Variants in PDE9A observed in about 807,000 individuals in gnomAD.
The protein encoded by PDE9A is phosphodiesterase 9A, also known as high affinity cGMP-specific 3',5'-cyclic phosphodiesterase 9A.
Under a neutral mutation model 87.4 loss-of-function variants are expected in PDE9A, and 60 were observed. The ratio of observed to expected loss-of-function variants is 0.69; its 90% confidence interval spans 0.56 to 0.85. The LOEUF (loss-of-function observed/expected upper bound fraction) is 0.85, where lower values mean the gene tolerates loss of function less well. PDE9A is among the 40% of genes least tolerant of loss of function. PDE9A has a pLI of 0.00. For synonymous variants in PDE9A, 272 were observed against 279.4 expected (o/e 0.97, Z 0.27); for missense variants, 665 against 779.0 (o/e 0.85, Z 1.74).
intron 1 of PDE9A, among the ~76,000 whole-genome samples, chr21:42,669,272 C>T (rs2145927600): frequency 6.6e-6 from 1 of 152,252 alleles, no homozygotes; most frequent in Middle Eastern, 3.4e-3. Flanking sequence ...CCCTTCCTTG[C>T]CTCTTCCAGC....
intron 4 of PDE9A, among the ~76,000 whole-genome samples, chr21:42,720,502 A>G (rs1311925282): frequency 6.6e-6 from 1 of 152,054 alleles, no homozygotes; most frequent in Non-Finnish European, 1.5e-5. Flanking sequence ...CTCAATAAAT[A>G]AATAAATAAG....
At chr21:42,699,557 T>TTTC (rs2060329843) in intron 4 of PDE9A, among the ~76,000 whole-genome samples, 2 of 100,858 alleles carry the variant, frequency 2.0e-5, no homozygotes, top group East Asian at 3.5e-4. Flanking sequence ...TCTTTTTCTT[T>TTTC]TTTTTTTTTT....
intron 8 of PDE9A, among the ~76,000 whole-genome samples, chr21:42,744,079 G>T (rs1189346562): frequency 1.3e-5 from 2 of 152,186 alleles, no homozygotes; most frequent in African/African-American, 2.4e-5. Context: ...TGGGCCGGGT[G>T]TGGTGGCTCA....
At chr21:42,713,434 G>A (rs553065404) in intron 4 of PDE9A, among the ~76,000 whole-genome samples, 126 of 152,326 alleles carry the variant, frequency 8.3e-4, no homozygotes, top group African/African-American at 2.9e-3. Context: ...GCACCTGGCC[G>A]CTTTTCATGT....
chr21:42,686,325 G>C, intron 2 of PDE9A, 63 bp downstream of exon 2: 1 of 1,365,624 alleles, frequency 7.3e-7, no homozygotes, highest in Non-Finnish European at 1.0e-6. Context: ...TTTCGGGATG[G>C]CTGGGAGGGG....
rs1442508628 is a variant in PDE9A, at chr21:42,695,086, C to T, written c.219-3882C>T. Among the ~76,000 whole-genome samples the T allele has an allele frequency of 2.0e-5, 3 of 152,164 alleles. No individual in the cohort carries two copies. Among genetic ancestry groups the T allele is most frequent in the African/African-American group, 4.8e-5 (2 of 41,430 alleles). On this transcript the variant is annotated intron_variant, in intron 3 of 19. Coordinates refer to ENST00000291539, the MANE Select transcript of PDE9A (RefSeq NM_002606.3). The surrounding 1 kb of genome is among the most constrained non-coding windows in gnomAD (Gnocchi z 4.3). Reference sequence around the variant, plus strand: ...TGGACGTTTGGTGCAATCTGGAGCACGCTCAAGCCGGCATTTGAAATAACC... The same window carrying T: ...TGGACGTTTGGTGCAATCTGGAGCATGCTCAAGCCGGCATTTGAAATAACC...
intron 3 of PDE9A, chr21:42,689,816 G>T: frequency 3.7e-5 from 36 of 985,420 alleles, no homozygotes; most frequent in Non-Finnish European, 4.2e-5. Flanking sequence ...AGAGACAGAT[G>T]AGGTACCATG....
rs749339820 is a variant in PDE9A, at chr21:42,759,414, TGA to T, written c.897+333_897+334del. 6.7e-6 allele frequency among the ~76,000 whole-genome samples: 1 copy of T among 148,420 alleles called. No homozygotes were observed. Among genetic ancestry groups the T allele is most frequent in the Non-Finnish European group, 1.5e-5 (1 of 66,970 alleles). On this transcript the variant is annotated intron_variant, in intron 11 of 19. Transcript: ENST00000291539. This position sits in a 1 kb window ranked among gnomAD's most constrained non-coding sequence, Gnocchi z 7.2. ...GTGTGTGTGGGAGCGTGTGTGTGTG[TGA>T]GAGTGAGTATGGGGGTGTGGATGTG...
chr21:42,761,965 C>A (rs935320706), intron 13 of PDE9A, 118 bp from the exon 14 acceptor site: 15 of 1,026,268 alleles, frequency 1.5e-5, no homozygotes, highest in Non-Finnish European at 2.1e-5. Context: ...CTCCCCCAGC[C>A]CCCACGGCAC....
rs2060161373 is a variant in PDE9A, at chr21:42,696,741, G to A, written c.219-2227G>A. ...CACTGAGGCCATCAGCAAAGCACCT[G>A]GCCTCTTCACGCCTTGGGCTCTGGG... On this transcript the variant is annotated intron_variant, in intron 3 of 19. Transcript: ENST00000291539. This position sits in a 1 kb window ranked among gnomAD's most constrained non-coding sequence, Gnocchi z 5.1. 6.6e-6 allele frequency among the ~76,000 whole-genome samples: 1 copy of A among 152,188 alleles called. No homozygotes were observed. The highest frequency in any genetic ancestry group is 1.5e-5 in the Non-Finnish European group (1 of 68,044).
At chr21:42,768,715 TAATAC>T in intron 16 of PDE9A, 1 of 985,350 alleles carries the variant, frequency 1.0e-6, no homozygotes, top group Non-Finnish European at 1.2e-6. Flanking sequence ...CACCAAATAT[TAATAC>T]AACAGCTTGA....
intron 8 of PDE9A, among the ~76,000 whole-genome samples, chr21:42,744,622 G>A (rs2053652500): frequency 1.3e-5 from 2 of 152,166 alleles, no homozygotes; most frequent in Non-Finnish European, 2.9e-5. Flanking sequence ...TCATTCTCCT[G>A]GGAACAGGCA....
intron 1 of PDE9A, among the ~76,000 whole-genome samples, chr21:42,661,034 A>ATTTT (rs34710059): frequency 4.1e-5 from 6 of 144,622 alleles, no homozygotes; most frequent in African/African-American, 1.0e-4. Flanking sequence ...TTCTCTGCCA[A>ATTTT]TTTTTTTTTT....
rs191222632 is a variant in PDE9A at position 42,719,251 on chromosome 21, C to T, written c.263-12519C>T. ...TTCCATCCTCTCTGACAACCTAAAA[C>T]TGTGTCATCTGACGCTTCAACCTGG... On this transcript the variant is annotated intron_variant, in intron 4 of 19. Transcript: ENST00000291539. Among the ~76,000 whole-genome samples the T allele has an allele frequency of 1.5e-4, 23 of 151,910 alleles. No homozygotes were observed. The East Asian group carries it at 3.9e-3, about 25-fold the overall frequency.
intron 3 of PDE9A, among the ~76,000 whole-genome samples, chr21:42,697,200 G>A (rs376356786): frequency 2.0e-5 from 3 of 151,972 alleles, no homozygotes; most frequent in Non-Finnish European, 2.9e-5. Flanking sequence ...CGGCTCTCCC[G>A]AGAACCTCAG....
chr21:42,731,939 C>T lies in PDE9A; in HGVS notation c.432C>T (p.Arg144=). The T allele has an allele frequency of 6.2e-7, 1 of 1,613,676 alleles. No individual in the cohort carries two copies. Among genetic ancestry groups the T allele is most frequent in the Middle Eastern group, 1.7e-4 (1 of 6,060 alleles). ...AGGGCTGCTACCAGGAAGGCCAGCG[C>T]ATCCCTCCAGGTAACGGGCAGCTCC... ...EPQGCYQEGQ[R]IPPEREELIQ... is the part of the protein sequence containing the mutation. Residue 144 remains arginine, a synonymous_variant, in exon 5 of 20, where the codon CGC becomes CGT. Transcript: ENST00000291539.
intron 19 of PDE9A, among the ~76,000 whole-genome samples, chr21:42,773,259 C>CAAA (rs10552392): frequency 2.4e-5 from 2 of 84,244 alleles, no homozygotes; most frequent in African/African-American, 4.5e-5. Flanking sequence ...GACTCCATCT[C>CAAA]AAAAAAAAAA....
intron 10 of PDE9A, 34 bp downstream of exon 10, chr21:42,754,098 G>T (rs756709162): frequency 3.5e-6 from 5 of 1,439,456 alleles, no homozygotes; most frequent in Non-Finnish European, 3.9e-6. Flanking sequence ...CACGTCCCAG[G>T]GGGAGGCAGC....
At chr21:42,698,163 C>T (rs938762548) in intron 3 of PDE9A, among the ~76,000 whole-genome samples, 14 of 152,334 alleles carry the variant, frequency 9.2e-5, no homozygotes, top group African/African-American at 2.6e-4. Context: ...TGTTTCTACA[C>T]TGCTTTCCCC....
Sources: gnomAD v4.1 joint callset for allele counts (sites outside exome capture counted in the v4.1 genomes callset) on GRCh38, gnomAD v4.1.1 for gene constraint, Gnocchi (gnomAD v3.1) non-coding constraint, MANE v1.5 for transcripts, NCBI Gene and HGNC (gene_info 2026-07-23, HGNC 2026-07-21) for gene names.